Variants in CAMK2D observed in about 807,000 individuals in gnomAD.
CAMK2D encodes calcium/calmodulin dependent protein kinase II delta.
CAMK2D carries 37 observed loss-of-function variants against 84.0 expected under a neutral mutation model. The observed-to-expected ratio is 0.44, with a 90% CI of 0.34 to 0.58. The LOEUF (loss-of-function observed/expected upper bound fraction) is 0.58. Among genes scored for constraint, CAMK2D ranks in the 20% least tolerant of loss-of-function variants. The pLI is 0.02. For missense variants in CAMK2D, 448 were observed against 652.5 expected, an observed-to-expected ratio of 0.69 and a Z score of 3.41; for synonymous variants, 202 against 212.5, an observed-to-expected ratio of 0.95 and a Z score of 0.43.
At chr4:113,675,701 T>C (rs2099315525) in intron 2 of CAMK2D, among the ~76,000 whole-genome samples, 1 of 151,890 alleles carries the variant, frequency 6.6e-6, no homozygotes, top group African/African-American at 2.4e-5. Context: ...GCAAAGGTAA[T>C]TGTAGTCAGA....
At chr4:113,496,874 A>G (rs1329494320) in intron 16 of CAMK2D, among the ~76,000 whole-genome samples, 3 of 152,246 alleles carry the variant, frequency 2.0e-5, no homozygotes, top group Admixed American at 2.0e-4. Flanking sequence ...AAGCTGCTCA[A>G]GAGGTCAACA....
Position 113,528,590 on chromosome 4 carries a change from C to G in CAMK2D, c.601+2626G>C, listed in dbSNP as rs538991259. ...TGTCCCTTATGCTGAGTCCTGCTTC[C>G]CTTGGTTACTGACTATTGTATGCCA... On this transcript the variant is annotated intron_variant, in intron 8 of 20. Transcript: ENST00000511664. Among the ~76,000 whole-genome samples, 16 of 151,966 alleles carry G rather than the reference C, an allele frequency of 1.1e-4. No homozygotes were observed. The South Asian group carries it at 3.1e-3, about 30-fold the overall frequency.
intron 2 of CAMK2D, among the ~76,000 whole-genome samples, chr4:113,693,149 T>A (rs2099393193): frequency 6.6e-6 from 1 of 152,176 alleles, no homozygotes; most frequent in Non-Finnish European, 1.5e-5. Flanking sequence ...AGAAGTATTC[T>A]GAGTAAGGGG....
rs1484265390 is a variant in CAMK2D, at chr4:113,761,599, G to A, written c.-531C>T. On this transcript the variant is annotated 5_prime_UTR_variant, in exon 1 of 21. Transcript: ENST00000511664. ...GTCAGCAGGCTCAGGCGCGGGGCGCGCCGGGGCTCCGACGAGCGTGCGCGC... is the reference window on the plus strand; with the variant it reads ...GTCAGCAGGCTCAGGCGCGGGGCGCACCGGGGCTCCGACGAGCGTGCGCGC... 6 of 985,024 alleles carry A rather than the reference G, an allele frequency of 6.1e-6. No individual in the cohort carries two copies. Among genetic ancestry groups the A allele is most frequent in the Admixed American group, 1.2e-4 (2 of 16,254 alleles). The allele number at this position is 985,024 out of a possible 1,614,324, so 61.0% of individuals were successfully genotyped here.
intron 8 of CAMK2D, among the ~76,000 whole-genome samples, chr4:113,523,812 T>C (rs548282768): frequency 6.6e-5 from 10 of 151,680 alleles, no homozygotes; most frequent in South Asian, 6.3e-4. Context: ...AACAAACAAA[T>C]AAATAAATAA....
At chr4:113,609,307 G>C (rs997718582) in intron 3 of CAMK2D, 101 bp from the exon 4 acceptor site, 3 of 699,628 alleles carry the variant, frequency 4.3e-6, no homozygotes, top group Non-Finnish European at 8.0e-6. Context: ...TAGAAATGTT[G>C]GCATTACATT....
intron 8 of CAMK2D, among the ~76,000 whole-genome samples, chr4:113,519,552 T>G (rs545719206): frequency 6.6e-6 from 1 of 152,172 alleles, no homozygotes; most frequent in Admixed American, 6.5e-5. Flanking sequence ...TGCTATTGAC[T>G]AGCCTGATGT....
intron 3 of CAMK2D, among the ~76,000 whole-genome samples, chr4:113,660,533 A>C (rs1168024013): frequency 6.6e-6 from 1 of 151,998 alleles, no homozygotes; most frequent in East Asian, 1.9e-4. Context: ...GGGACCATAC[A>C]TGCACACTAC....
intron 2 of CAMK2D, among the ~76,000 whole-genome samples, chr4:113,741,986 A>T (rs559294894): frequency 1.3e-5 from 2 of 152,264 alleles, no homozygotes; most frequent in South Asian, 4.1e-4. Context: ...AGTAACTCCA[A>T]TGAGGTCATT....
intron 2 of CAMK2D, among the ~76,000 whole-genome samples, chr4:113,756,926 T>G (rs2099629857): frequency 6.6e-6 from 1 of 152,064 alleles, no homozygotes; most frequent in African/African-American, 2.4e-5. Context: ...TAAAATAAAA[T>G]TGTTGACCAT....
At chr4:113,580,499 A>C (rs990745786) in intron 4 of CAMK2D, among the ~76,000 whole-genome samples, 1 of 152,198 alleles carries the variant, frequency 6.6e-6, no homozygotes, top group African/African-American at 2.4e-5. Flanking sequence ...GTTAGAAAAG[A>C]TATTCAGAAA....
intron 2 of CAMK2D, chr4:113,754,550 TCACA>T: frequency 1.0e-6 from 1 of 976,838 alleles, no homozygotes; most frequent in Non-Finnish European, 1.2e-6. Flanking sequence ...AACAAAGTTC[TCACA>T]CAATCAGGTA....
At chr4:113,632,199 C>T (rs2099092510) in intron 3 of CAMK2D, among the ~76,000 whole-genome samples, 1 of 152,084 alleles carries the variant, frequency 6.6e-6, no homozygotes, top group African/African-American at 2.4e-5. Flanking sequence ...TAAATTCCCT[C>T]TCATTCTATA....
intron 13 of CAMK2D, chr4:113,508,408 T>G: frequency 1.5e-6 from 1 of 649,044 alleles, no homozygotes; most frequent in Non-Finnish European, 2.8e-6. Context: ...GTTCTGGAAA[T>G]GCGTTCTATG....
intron 2 of CAMK2D, among the ~76,000 whole-genome samples, chr4:113,688,332 T>C (rs966590630): frequency 6.6e-6 from 1 of 152,232 alleles, no homozygotes; most frequent in African/African-American, 2.4e-5. Context: ...GGAAGGTGCA[T>C]TCACCTTTCT....
intron 4 of CAMK2D, among the ~76,000 whole-genome samples, chr4:113,568,555 G>A (rs891378687): frequency 6.6e-6 from 1 of 152,142 alleles, no homozygotes; most frequent in African/African-American, 2.4e-5. Flanking sequence ...GTATCTGTTT[G>A]AGTCCCTGCT....
chr4:113,561,226 C>A (rs1591257554), intron 4 of CAMK2D, among the ~76,000 whole-genome samples: 3 of 152,230 alleles, frequency 2.0e-5, no homozygotes, highest in Middle Eastern at 6.8e-3. Context: ...AGGCTTGTAA[C>A]CTCAGCATTT....
At chr4:113,648,601 G>C (rs1328851740) in intron 3 of CAMK2D, among the ~76,000 whole-genome samples, 2 of 152,166 alleles carry the variant, frequency 1.3e-5, no homozygotes, top group Non-Finnish European at 2.9e-5. Context: ...GGACAGAATG[G>C]GGGGAAAAAG....
At chr4:113,548,605 G>GA (rs1000802953) in intron 5 of CAMK2D, 4,308 of 870,164 alleles carry the variant, frequency 5.0e-3, no homozygotes, top group South Asian at 6.5e-3. Context: ...CCTTTCCCCA[G>GA]AAAAAAAAAT....
Sources: gnomAD v4.1 joint callset for allele counts (sites outside exome capture counted in the v4.1 genomes callset) on GRCh38, gnomAD v4.1.1 for gene constraint, MANE v1.5 for transcripts, NCBI Gene and HGNC (gene_info 2026-07-23, HGNC 2026-07-21) for gene names.